The following RFX3 variants were observed in gnomAD, a reference collection of about 807,000 sequenced individuals.
RFX3 encodes the protein regulatory factor X3, also known as transcription factor RFX3.
A neutral mutation model predicts 98.6 loss-of-function variants in RFX3; 14 were observed. The ratio of observed to expected loss-of-function variants is 0.14; its 90% confidence interval spans 0.09 to 0.22. The LOEUF (loss-of-function observed/expected upper bound fraction) is 0.22. RFX3 is among the 10% of genes least tolerant of loss of function. The pLI, the probability that RFX3 is intolerant of heterozygous loss-of-function variation, is 1.00. For missense variants in RFX3, 639 were observed against 926.9 expected (o/e 0.69, Z 4.03); for synonymous variants, 383 against 328.4 (o/e 1.17, Z -1.80).
At chr9:3,248,257 C>CT (rs1435108458) in intron 14 of RFX3, 72 bp from the exon 15 acceptor site, 16 of 1,470,528 alleles carry the variant, frequency 1.1e-5, no homozygotes, top group Non-Finnish European at 1.3e-5. Context: ...TATTTTTCCT[C>CT]TTAAAAAAAA....
chr9:3,311,582 C>T (rs148606760), intron 4 of RFX3, among the ~76,000 whole-genome samples: 117 of 152,278 alleles, frequency 7.7e-4, no homozygotes, highest in Non-Finnish European at 1.3e-3. Context: ...CATTTGGGTA[C>T]CTGTTAGAAA....
chr9:3,261,960 G>A (rs1335905794), intron 13 of RFX3, among the ~76,000 whole-genome samples: 1 of 152,126 alleles, frequency 6.6e-6, no homozygotes, highest in Non-Finnish European at 1.5e-5. Flanking sequence ...TTGCGGAAAT[G>A]TCTACTCAGA....
At chr9:3,358,756 A>T (rs778592282) in intron 2 of RFX3, among the ~76,000 whole-genome samples, 2 of 152,140 alleles carry the variant, frequency 1.3e-5, no homozygotes, top group African/African-American at 2.4e-5. Flanking sequence ...ATTAAATCAC[A>T]GTTCCACAGG....
At chr9:3,422,871 A>C (rs963496799) in intron 1 of RFX3, among the ~76,000 whole-genome samples, 1 of 152,212 alleles carries the variant, frequency 6.6e-6, no homozygotes, top group African/African-American at 2.4e-5. Context: ...TAATTACAGT[A>C]GGATTGCCTA....
chr9:3,494,921 G>C (rs2133562899), intron 1 of RFX3, among the ~76,000 whole-genome samples: 1 of 152,046 alleles, frequency 6.6e-6, no homozygotes, highest in Admixed American at 6.5e-5. Context: ...ATAGTGTACA[G>C]TTTGCATAAA....
chr9:3,351,881 A>C (rs1174607805), intron 2 of RFX3, among the ~76,000 whole-genome samples: 5 of 152,016 alleles, frequency 3.3e-5, no homozygotes, highest in African/African-American at 1.2e-4. Flanking sequence ...AGGCAATTTA[A>C]AGGTAATTTA....
intron 4 of RFX3, among the ~76,000 whole-genome samples, chr9:3,305,126 G>A (rs1390510464): frequency 1.3e-5 from 2 of 152,052 alleles, no homozygotes; most frequent in South Asian, 4.1e-4. Flanking sequence ...ATAGAGCCAG[G>A]AGGCAAGAAA....
At chr9:3,357,302 C>T (rs567515980) in intron 2 of RFX3, among the ~76,000 whole-genome samples, 1 of 152,054 alleles carries the variant, frequency 6.6e-6, no homozygotes, top group East Asian at 1.9e-4. Flanking sequence ...TTGCTACCTT[C>T]TCATCGCTTA....
intron 1 of RFX3, among the ~76,000 whole-genome samples, chr9:3,507,516 G>A (rs1413071290): frequency 6.6e-6 from 1 of 151,838 alleles, no homozygotes; most frequent in Non-Finnish European, 1.5e-5. Context: ...GCTAGTCAGT[G>A]GCAGAGCTCG....
rs184760747 is a variant in RFX3, at chr9:3,466,995, T to G, written c.-9+58752A>C. ...TTTATGCCTACTTCCTGGAAACCTC[T>G]AAGAGAAAGCTGATATACCTAAATC... On this transcript the variant is annotated intron_variant, in intron 1 of 16. Coordinates refer to ENST00000617270, the MANE Select transcript of RFX3 (RefSeq NM_001282116.2). 3.8e-3 allele frequency among the ~76,000 whole-genome samples: 555 copies of G among 147,216 alleles called. 8 individuals are homozygous for G. The highest frequency in any genetic ancestry group is 0.013 in the African/African-American group (533 of 40,152).
At position 3,445,445 on chromosome 9, in the gene RFX3, C is replaced by G. The variant is rs139837723; in HGVS notation, c.-8-49849G>C. On this transcript the variant is annotated intron_variant, in intron 1 of 16. Coordinates refer to ENST00000617270, the MANE Select transcript of RFX3 (RefSeq NM_001282116.2). ...TTCCCATTTTACAGATGAAATATCTCAGGGTGAGTGAAGTTAAGGGGATCT... is the reference window on the plus strand; with the variant it reads ...TTCCCATTTTACAGATGAAATATCTGAGGGTGAGTGAAGTTAAGGGGATCT... Among the ~76,000 whole-genome samples, 295 of 152,198 alleles carry G rather than the reference C, an allele frequency of 1.9e-3. 1 individual carries two copies. Among genetic ancestry groups the G allele is most frequent in the African/African-American group, 6.6e-3 (276 of 41,546 alleles).
At chr9:3,255,945 T>G (rs594370) in intron 14 of RFX3, among the ~76,000 whole-genome samples, 119,983 of 151,970 alleles carry the variant, frequency 0.79, 48,756 homozygotes, top group East Asian at 0.9. Flanking sequence ...ATCCTGATTA[T>G]CCTCATTCCT....
rs543994884 is a variant in RFX3, at chr9:3,280,316, T to C, written c.852-2855A>G. 3.3e-5 allele frequency among the ~76,000 whole-genome samples: 5 copies of C among 151,960 alleles called. No homozygotes were observed. In the East Asian group the frequency reaches 9.6e-4, roughly 29 times the overall value. On this transcript the variant is annotated intron_variant, in intron 7 of 16. Coordinates refer to ENST00000617270, the MANE Select transcript of RFX3 (RefSeq NM_001282116.2). ...ATGTACAAGAGGGCTAATGTGGGCC[T>C]GTAAGTATGAGAGAGCTTCCAGGTA...
chr9:3,431,043 T>C (rs567286753), intron 1 of RFX3, among the ~76,000 whole-genome samples: 48 of 152,312 alleles, frequency 3.2e-4, no homozygotes, highest in Non-Finnish European at 1.0e-4. Context: ...AAATAATAAC[T>C]GCATAAAATT....
chr9:3,371,877 A>G (rs560011760), intron 2 of RFX3, among the ~76,000 whole-genome samples: 9 of 152,314 alleles, frequency 5.9e-5, no homozygotes, highest in Non-Finnish European at 1.5e-5. Flanking sequence ...AACTGGAAGG[A>G]CTATGTTTAG....
At chr9:3,272,239 G>A (rs1217893488) in intron 9 of RFX3, among the ~76,000 whole-genome samples, 3 of 152,092 alleles carry the variant, frequency 2.0e-5, no homozygotes, top group Non-Finnish European at 4.4e-5. Flanking sequence ...TGTGATTGAT[G>A]TCATCACCTT....
chr9:3,239,991 G>GTA (rs2130842400), intron 15 of RFX3, among the ~76,000 whole-genome samples: 1 of 152,342 alleles, frequency 6.6e-6, no homozygotes, highest in African/African-American at 2.4e-5. Context: ...TTTGCAAAAG[G>GTA]TAGACAAAAC....
chr9:3,391,253 A>T (rs980399553), intron 2 of RFX3, among the ~76,000 whole-genome samples: 2 of 152,176 alleles, frequency 1.3e-5, no homozygotes, highest in Non-Finnish European at 2.9e-5. Flanking sequence ...CTTATCAGTT[A>T]TAGACAATTT....
At chr9:3,504,413 T>G (rs1291306121) in intron 1 of RFX3, among the ~76,000 whole-genome samples, 3 of 136,254 alleles carry the variant, frequency 2.2e-5, no homozygotes, top group Admixed American at 8.0e-5. Flanking sequence ...AAAATATATA[T>G]TATATACCAC....
Sources: allele counts gnomAD v4.1 joint callset (sites outside exome capture counted in the v4.1 genomes callset), GRCh38; gene constraint gnomAD v4.1.1; transcripts MANE v1.5; gene names NCBI Gene and HGNC (gene_info 2026-07-23, HGNC 2026-07-21).